The following ZDHHC24 variants were observed in gnomAD, a reference collection of about 807,000 sequenced individuals.
The protein encoded by ZDHHC24 is probable palmitoyltransferase ZDHHC24.
ZDHHC24 carries 17 observed loss-of-function variants against 23.2 expected under a neutral mutation model. The ratio of observed to expected loss-of-function variants is 0.73; its 90% CI spans 0.50 to 1.10. The LOEUF is 1.10. ZDHHC24 is among the 50% of genes least tolerant of loss of function. The pLI, the probability that ZDHHC24 is intolerant of heterozygous loss-of-function variation, is 0.00. For synonymous variants in ZDHHC24, 186 were observed against 194.5 expected, an observed-to-expected ratio of 0.96 and a Z score of 0.36; for missense variants, 366 against 393.0, an observed-to-expected ratio of 0.93 and a Z score of 0.58.
At chr11:66,526,517 G>C in intron 4 of ZDHHC24, 1 of 1,157,928 alleles carries the variant, frequency 8.6e-7, no homozygotes, top group Non-Finnish European at 1.3e-6. Flanking sequence ...GTTACTTCCA[G>C]AAACAGTCTC....
rs577426256 is a variant in ZDHHC24 at position 66,529,863 on chromosome 11, C to T, written c.560-375G>A. On this transcript the variant is annotated intron_variant, in intron 2 of 4. Coordinates refer to the ZDHHC24 transcript ENST00000526986. ...GACAGACCTATACCTGCTGCGCCTA[C>T]GTGCTGCCCGCGCCTACCTGCAGGC... is the stretch of plus-strand genomic sequence containing the variant. The T allele has an allele frequency of 9.3e-6, 15 of 1,610,612 alleles. No homozygotes were observed. Among genetic ancestry groups the T allele is most frequent in the Admixed American group, 5.0e-5 (3 of 60,034 alleles).
At chr11:66,523,274 A>G in intron 4 of ZDHHC24, 1 of 810,646 alleles carries the variant, frequency 1.2e-6, no homozygotes. Context: ...AGGAAGACAC[A>G]CTTGATGTTT....
intron 4 of ZDHHC24, chr11:66,521,671 CGAG>C (rs1856223997): frequency 2.6e-6 from 1 of 379,254 alleles, no homozygotes; most frequent in Non-Finnish European, 5.0e-6. Context: ...TTTGGGAGGC[CGAG>C]GCAAGCGGAT....
chr11:66,525,509 G>A (rs966747986), intron 4 of ZDHHC24, among the ~76,000 whole-genome samples: 22 of 151,268 alleles, frequency 1.5e-4, no homozygotes, highest in African/African-American at 4.4e-4. Flanking sequence ...GTTGCAGTGA[G>A]CTGGAGATCA....
intron 4 of ZDHHC24, chr11:66,526,053 C>A: frequency 7.0e-7 from 1 of 1,431,290 alleles, no homozygotes. Context: ...TGGGGCCTCC[C>A]CTACCCATCC....
intron 3 of ZDHHC24, chr11:66,527,033 A>G (rs1856543763): frequency 6.5e-7 from 1 of 1,535,696 alleles, no homozygotes; most frequent in African/African-American, 1.4e-5. Context: ...GAGCCCTTAG[A>G]ATTCAGGGAA....
At chr11:66,523,961 C>T (rs1009867631) in intron 4 of ZDHHC24, 65 of 1,577,160 alleles carry the variant, frequency 4.1e-5, no homozygotes, top group Middle Eastern at 3.3e-4. Context: ...CTGCCTCTTC[C>T]GACCACACAT....
chr11:66,545,718 C>A lies in ZDHHC24; in HGVS notation c.281+5G>T. On this transcript the variant is annotated splice_donor_5th_base_variant and intron_variant, in intron 1 of 2. Transcript: ENST00000310442. This position sits in a 1 kb window ranked among gnomAD's most constrained non-coding sequence, Gnocchi z 4.5. Reference sequence around the variant, plus strand: ...TCTCCCCGCCCGATCCCGCACCCCACTCACGCCCAGCCCTGGCCCAGACCG... The same window carrying A: ...TCTCCCCGCCCGATCCCGCACCCCAATCACGCCCAGCCCTGGCCCAGACCG... 6.5e-7 allele frequency: 1 copy of A among 1,541,780 alleles called. No homozygotes were observed.
chr11:66,526,083 C>T (rs746271848), intron 4 of ZDHHC24: 3 of 1,605,446 alleles, frequency 1.9e-6, no homozygotes, highest in African/African-American at 1.3e-5. Context: ...CTTTCCTCTC[C>T]AAGATATTTC....
chr11:66,528,613 C>T (rs1856619383), intron 3 of ZDHHC24, among the ~76,000 whole-genome samples: 1 of 152,074 alleles, frequency 6.6e-6, no homozygotes, highest in African/African-American at 2.4e-5. Flanking sequence ...TTTGAATTGG[C>T]AGGGAGATGT....
In ZDHHC24 at chr11:66,521,418, A is replaced by G. The variant is rs771843780; in HGVS notation, c.*70T>C. The G allele has an allele frequency of 6.0e-6, 9 of 1,511,994 alleles. No individual in the cohort carries two copies. The East Asian group carries it at 2.0e-4, about 34-fold the overall frequency. 93.7% of individuals were successfully genotyped at this position (1,511,994 alleles called of 1,614,324 possible). On this transcript the variant is annotated 3_prime_UTR_variant, in exon 5 of 5. Transcript: ENST00000526986. ...TCTCCGGGGCCGGGAGGAACATCTC[A>G]GAAAACTGGTGGCTTCAGAGGCTTG...
rs571170303 is a variant in ZDHHC24, at chr11:66,524,211, C to T, written c.*21+2725G>A. 7.5e-4 allele frequency: 280 copies of T among 371,700 alleles called. 4 individuals carry two copies. Among genetic ancestry groups the T allele is most frequent in the South Asian group, 5.6e-3 (264 of 47,468 alleles). 23.0% of individuals were successfully genotyped at this position (371,700 alleles called of 1,614,324 possible). On this transcript the variant is annotated intron_variant, in intron 4 of 4. Transcript: ENST00000526986. ...AGGAGAATCGCTTGAGCCTGGGAGGCGGAGGTTGCAGTGAGCCAAGATCAA... is the reference window on the plus strand; with the variant it reads ...AGGAGAATCGCTTGAGCCTGGGAGGTGGAGGTTGCAGTGAGCCAAGATCAA...
rs745569996 is a variant in ZDHHC24 at position 66,526,921 on chromosome 11, AG to A, written c.*21+14del. The A allele has an allele frequency of 6.2e-5, 99 of 1,603,540 alleles. No homozygotes were observed. In the African/African-American group the frequency reaches 1.1e-3, roughly 17 times the overall value. On this transcript the variant is annotated intron_variant, in intron 4 of 4. Coordinates refer to the ZDHHC24 transcript ENST00000526986. ...CACTGGGAGGAGATCTCGGCCAACT[AG>A]GTAGGTCACTCACCTCTGCAAATCC...
intron 4 of ZDHHC24, chr11:66,526,810 G>A (rs1458910539): frequency 1.2e-6 from 2 of 1,614,106 alleles, no homozygotes; most frequent in Non-Finnish European, 1.7e-6. Flanking sequence ...TGGCACCGGT[G>A]AGCCTCAGAC....
Position 66,538,647 on chromosome 11 carries a change from T to G in ZDHHC24, c.*882A>C, listed in dbSNP as rs1857052699. The stretch of plus-strand genomic sequence containing the variant: ...TTTCTTTACTATCATCTTAGAGAGA[T>G]CCTAAGAGAAAACTGAGACGAACAC... On this transcript the variant is annotated 3_prime_UTR_variant, in exon 3 of 3. Transcript: ENST00000310442. 1 of 152,190 alleles carries G rather than the reference T, an allele frequency of 6.6e-6. No individual in the cohort carries two copies. Among genetic ancestry groups the G allele is most frequent in the Non-Finnish European group, 1.5e-5 (1 of 68,034 alleles). 9.4% of individuals were successfully genotyped at this position (152,190 alleles called of 1,614,324 possible).
chr11:66,530,530 A>C (rs879396550), intron 2 of ZDHHC24, among the ~76,000 whole-genome samples: 6 of 152,162 alleles, frequency 3.9e-5, no homozygotes, highest in Non-Finnish European at 8.8e-5. Flanking sequence ...ATAGATGCAG[A>C]GGAGGAAGAG....
At chr11:66,523,559 C>A (rs780246167) in intron 4 of ZDHHC24, 1 of 1,614,164 alleles carries the variant, frequency 6.2e-7, no homozygotes, top group Non-Finnish European at 8.5e-7. Flanking sequence ...AGACAGCCTG[C>A]ATGGCTTCAC....
rs563439132 is a variant in ZDHHC24, at chr11:66,526,423, G to A, written c.*21+513C>T. On this transcript the variant is annotated intron_variant, in intron 4 of 4. Transcript: ENST00000526986. The stretch of plus-strand genomic sequence containing the variant: ...ACCCAGCATCCCCAGTGCCTGCCAC[G>A]ATGCCAGGAACATCACAGTACTCCA... Among the ~76,000 whole-genome samples, 48 of 152,336 alleles carry A rather than the reference G, an allele frequency of 3.2e-4. 1 individual carries two copies. Among genetic ancestry groups the A allele is most frequent in the Admixed American group, 2.8e-3 (43 of 15,302 alleles).
At chr11:66,539,907 G>C in intron 2 of ZDHHC24, 83 bp from the exon 3 acceptor site, 1 of 1,348,812 alleles carries the variant, frequency 7.4e-7, no homozygotes, top group Non-Finnish European at 9.8e-7. Flanking sequence ...CCACAAAGCA[G>C]GGCTCATTCC....
Sources: allele counts gnomAD v4.1 joint callset (sites outside exome capture counted in the v4.1 genomes callset), GRCh38; gene constraint gnomAD v4.1.1; non-coding constraint Gnocchi (gnomAD v3.1); transcripts MANE v1.5; gene names NCBI Gene and HGNC (gene_info 2026-07-23, HGNC 2026-07-21).